Variants in ITPR1 observed in about 807,000 individuals in gnomAD.
ITPR1 encodes the protein inositol 1,4,5-trisphosphate-gated calcium channel ITPR1.
ITPR1 carries 96 observed loss-of-function variants against 318.4 expected under a neutral mutation model. The observed-to-expected ratio is 0.30, with a 90% CI of 0.26 to 0.36. The LOEUF (loss-of-function observed/expected upper bound fraction) is 0.36. Among genes scored for constraint, ITPR1 ranks in the 10% least tolerant of loss-of-function variants. The probability of loss-of-function intolerance (pLI) is 1.00; values close to 1 mark genes in which losing one functional copy is unlikely to be tolerated. For synonymous variants in ITPR1, 1,312 were observed against 1,289.9 expected (o/e 1.02, Z -0.37); for missense variants, 2,440 against 3,460.2 (o/e 0.71, Z 7.40).
At chr3:4,696,883 A>C (rs559452428) in intron 33 of ITPR1, among the ~76,000 whole-genome samples, 1 of 152,292 alleles carries the variant, frequency 6.6e-6, no homozygotes, top group East Asian at 1.9e-4. Context: ...CTTAATTTCA[A>C]ATAGTCAAAC....
At chr3:4,679,832 A>G (rs115999389) in intron 24 of ITPR1, among the ~76,000 whole-genome samples, 94 of 152,330 alleles carry the variant, frequency 6.2e-4, no homozygotes, top group Admixed American at 7.8e-4. Flanking sequence ...CACTGAGAGC[A>G]TGGAGGCAGG....
At chr3:4,825,135 G>A (rs1229250899) in intron 60 of ITPR1, among the ~76,000 whole-genome samples, 2 of 152,216 alleles carry the variant, frequency 1.3e-5, no homozygotes, top group Non-Finnish European at 2.9e-5. Context: ...CTGGTGCTGA[G>A]TTTTTCTCAC....
intron 4 of ITPR1, among the ~76,000 whole-genome samples, chr3:4,613,239 T>TA (rs1387716938): frequency 3.9e-5 from 6 of 152,224 alleles, no homozygotes; most frequent in Admixed American, 3.9e-4. Context: ...AGTCTTCCAC[T>TA]AAATATACAA....
chr3:4,691,143 G>T lies in ITPR1; in HGVS notation c.3829-1G>T, dbSNP rs769383097. 2 of 1,602,150 alleles carry T rather than the reference G, an allele frequency of 1.2e-6. No homozygotes were observed. The highest frequency in any genetic ancestry group is 1.3e-5 in the African/African-American group (1 of 74,724). ...TGCTCTTTTCCTCACTCTTGTGCCA[G>T]ATCCTGGAGGCAGTAACCATGCAGC... On this transcript the variant is annotated splice_acceptor_variant, in intron 31 of 61. Transcript: ENST00000649015. LOFTEE classifies it high-confidence loss of function.
At chr3:4,673,479 A>T in intron 21 of ITPR1, 92 bp downstream of exon 21, 1 of 1,277,494 alleles carries the variant, frequency 7.8e-7, no homozygotes. Context: ...AAGAAAGATG[A>T]AGTGTTGGTT....
At chr3:4,772,490 G>GA (rs2046249265) in intron 46 of ITPR1, among the ~76,000 whole-genome samples, 1 of 152,254 alleles carries the variant, frequency 6.6e-6, no homozygotes, top group Non-Finnish European at 1.5e-5. Flanking sequence ...AATGTGATGG[G>GA]AAAAACCTCT....
At chr3:4,528,082 A>G (rs2083126300) in intron 4 of ITPR1, among the ~76,000 whole-genome samples, 1 of 152,110 alleles carries the variant, frequency 6.6e-6, no homozygotes, top group South Asian at 2.1e-4. Flanking sequence ...AATATAGGGG[A>G]AAGAGCAACC....
At chr3:4,635,846 T>C (rs1259301925) in intron 5 of ITPR1, among the ~76,000 whole-genome samples, 2 of 152,058 alleles carry the variant, frequency 1.3e-5, no homozygotes, top group Non-Finnish European at 2.9e-5. Flanking sequence ...TAGTTTTGTC[T>C]AAATACCAGA....
chr3:4,706,667 G>A (rs1053586735), intron 37 of ITPR1, among the ~76,000 whole-genome samples: 5 of 152,198 alleles, frequency 3.3e-5, no homozygotes, highest in Non-Finnish European at 7.3e-5. Context: ...GAGCATAAAT[G>A]TTCCATTTTC....
intron 4 of ITPR1, among the ~76,000 whole-genome samples, chr3:4,552,802 A>G (rs1325442146): frequency 2.0e-5 from 3 of 152,094 alleles, no homozygotes. Flanking sequence ...AGCTCCATCT[A>G]GAAGCTGCCT....
chr3:4,771,925 C>T (rs1042396133), intron 46 of ITPR1, among the ~76,000 whole-genome samples: 2 of 151,960 alleles, frequency 1.3e-5, no homozygotes, highest in African/African-American at 2.4e-5. Context: ...CCCTCACCTA[C>T]GAGACCCCTG....
chr3:4,691,432 C>T, intron 32 of ITPR1, 88 bp downstream of exon 32: 3 of 861,770 alleles, frequency 3.5e-6, no homozygotes, highest in Non-Finnish European at 5.5e-6. Context: ...AACTTGCACC[C>T]TCTTCAGGAG....
At chr3:4,836,453 T>C (rs1410024531) in intron 60 of ITPR1, among the ~76,000 whole-genome samples, 2 of 152,186 alleles carry the variant, frequency 1.3e-5, no homozygotes, top group African/African-American at 2.4e-5. Context: ...ACCAAACTCA[T>C]CAGCCATGTA....
At chr3:4,716,977 G>C (rs1193585180) in intron 39 of ITPR1, among the ~76,000 whole-genome samples, 2 of 152,156 alleles carry the variant, frequency 1.3e-5, no homozygotes, top group Non-Finnish European at 2.9e-5. Flanking sequence ...TTCTAAACTG[G>C]GCTAATTCTA....
At chr3:4,510,464 G>A (rs1341564998) in intron 2 of ITPR1, among the ~76,000 whole-genome samples, 2 of 152,190 alleles carry the variant, frequency 1.3e-5, no homozygotes, top group Non-Finnish European at 2.9e-5. Flanking sequence ...GATACTGGCT[G>A]AGACTCAGGT....
intron 12 of ITPR1, among the ~76,000 whole-genome samples, chr3:4,655,127 C>G (rs1037181795): frequency 6.6e-6 from 1 of 152,196 alleles, no homozygotes; most frequent in Admixed American, 6.5e-5. Flanking sequence ...TGTTTGAACA[C>G]TTGGACTGGG....
At chr3:4,605,400 C>T (rs2091633092) in intron 4 of ITPR1, among the ~76,000 whole-genome samples, 1 of 152,132 alleles carries the variant, frequency 6.6e-6, no homozygotes, top group Non-Finnish European at 1.5e-5. Context: ...TCAGAAAGGA[C>T]ATTGTCTGGT....
At chr3:4,507,457 G>A (rs2081475120) in intron 2 of ITPR1, among the ~76,000 whole-genome samples, 1 of 152,128 alleles carries the variant, frequency 6.6e-6, no homozygotes, top group African/African-American at 2.4e-5. Context: ...TATTGTATGA[G>A]ATCTTTCTGT....
At chr3:4,659,119 T>G (rs1425550877) in intron 13 of ITPR1, among the ~76,000 whole-genome samples, 2 of 152,184 alleles carry the variant, frequency 1.3e-5, no homozygotes, top group African/African-American at 4.8e-5. Context: ...GACTCTCCAA[T>G]ACCATGTTGG....
Sources: allele counts gnomAD v4.1 joint callset (sites outside exome capture counted in the v4.1 genomes callset), GRCh38; gene constraint gnomAD v4.1.1; transcripts MANE v1.5; gene names NCBI Gene and HGNC (gene_info 2026-07-23, HGNC 2026-07-21).